The following CD244 variants were observed in gnomAD, a reference collection of about 807,000 sequenced individuals.
CD244 encodes natural killer cell receptor 2B4.
A neutral mutation model predicts 45.5 loss-of-function variants in CD244; 20 were observed. That is an observed-to-expected ratio of 0.44 (90% CI 0.31 to 0.64). The LOEUF (loss-of-function observed/expected upper bound fraction) is 0.64, where lower values mean the gene tolerates loss of function less well. Ranked by LOEUF, CD244 falls within the 30% of genes least tolerant of loss-of-function variation. The pLI, the probability that CD244 is intolerant of heterozygous loss-of-function variation, is 0.08. For missense variants in CD244, 407 were observed against 426.9 expected, an observed-to-expected ratio of 0.95 and a Z score of 0.41; for synonymous variants, 185 against 160.5, an observed-to-expected ratio of 1.15 and a Z score of -1.15.
rs760113788 is a variant in CD244, at chr1:160,834,048, C to G, written c.960+3G>C. The G allele has an allele frequency of 6.2e-7, 1 of 1,607,886 alleles. No individual in the cohort carries two copies. The highest frequency in any genetic ancestry group is 1.3e-5 in the African/African-American group (1 of 74,796). On this transcript the variant is annotated splice_donor_region_variant and intron_variant, in intron 7 of 8. Transcript: ENST00000368034. Reference sequence around the variant, plus strand: ...CCCACCACCACCACGGGAAGAGGCTCACCTTCCTGGAAGGCTGAATTAATG... The same window carrying G: ...CCCACCACCACCACGGGAAGAGGCTGACCTTCCTGGAAGGCTGAATTAATG...
At chr1:160,859,686 C>T (rs969052694) in intron 1 of CD244, among the ~76,000 whole-genome samples, 1 of 151,122 alleles carries the variant, frequency 6.6e-6, no homozygotes, top group Admixed American at 6.6e-5. Flanking sequence ...GCAGGTGGAT[C>T]GCCTGAGCCC....
chr1:160,836,174 C>G (rs757312279), intron 6 of CD244, 21 bp downstream of exon 6: 8 of 1,598,894 alleles, frequency 5.0e-6, no homozygotes, highest in Non-Finnish European at 6.9e-6. Context: ...ATGGAATGGA[C>G]TAGAGAAACT....
intron 1 of CD244, among the ~76,000 whole-genome samples, chr1:160,855,305 C>A (rs1461568686): frequency 6.6e-6 from 1 of 152,138 alleles, no homozygotes; most frequent in Non-Finnish European, 1.5e-5. Context: ...GAGAGTCCAG[C>A]TGGGGTTGGA....
chr1:160,838,865 C>G, intron 4 of CD244, 74 bp downstream of exon 4: 1 of 964,842 alleles, frequency 1.0e-6, no homozygotes, highest in Non-Finnish European at 1.6e-6. Context: ...CAGACACATC[C>G]CACTGGACGC....
chr1:160,857,133 C>T (rs1670137744), intron 1 of CD244, among the ~76,000 whole-genome samples: 1 of 152,210 alleles, frequency 6.6e-6, no homozygotes, highest in African/African-American at 2.4e-5. Flanking sequence ...GGCCTCTTGC[C>T]AAGCTCCACA....
chr1:160,831,870 T>C (rs1669137674), intron 8 of CD244, among the ~76,000 whole-genome samples: 1 of 152,194 alleles, frequency 6.6e-6, no homozygotes, highest in Non-Finnish European at 1.5e-5. Context: ...GGGGATGCTC[T>C]CCATGCCTTA....
chr1:160,832,415 T>C (rs1669157746), intron 8 of CD244, 104 bp downstream of exon 8: 1 of 741,294 alleles, frequency 1.3e-6, no homozygotes. Context: ...TCCCTACAAC[T>C]CTGAGACTGT....
intron 1 of CD244, among the ~76,000 whole-genome samples, chr1:160,854,515 T>A (rs1670034887): frequency 6.6e-6 from 1 of 151,624 alleles, no homozygotes; most frequent in South Asian, 2.1e-4. Flanking sequence ...CATGAGTAAC[T>A]GGGACTACAG....
chr1:160,861,098 C>G (rs1670285606), intron 1 of CD244, among the ~76,000 whole-genome samples: 1 of 152,234 alleles, frequency 6.6e-6, no homozygotes, highest in Admixed American at 6.5e-5. Flanking sequence ...TCCCCACAGC[C>G]AGGCACCAAT....
intron 1 of CD244, among the ~76,000 whole-genome samples, chr1:160,846,355 C>T (rs927658559): frequency 1.3e-5 from 2 of 152,184 alleles, no homozygotes; most frequent in South Asian, 2.1e-4. Flanking sequence ...AAATAACTGC[C>T]TATCTAGAAT....
intron 8 of CD244, among the ~76,000 whole-genome samples, 197 bp downstream of exon 8, chr1:160,832,322 G>C (rs1557828855): frequency 6.6e-6 from 1 of 152,134 alleles, no homozygotes. Context: ...CACGCAATAT[G>C]ATCTTGGGTC....
chr1:160,838,348 G>A (rs1052473674), intron 5 of CD244, 103 bp downstream of exon 5: 3 of 864,606 alleles, frequency 3.5e-6, no homozygotes, highest in African/African-American at 3.3e-5. Context: ...ACATCAAAAG[G>A]ACAGTCGTTC....
At chr1:160,838,231 C>G (rs550082483) in intron 5 of CD244, among the ~76,000 whole-genome samples, 1 of 152,332 alleles carries the variant, frequency 6.6e-6, no homozygotes, top group East Asian at 1.9e-4. Context: ...CAAGATGCCC[C>G]TTCAGCCTCC....
At chr1:160,849,426 A>C (rs1248773244) in intron 1 of CD244, among the ~76,000 whole-genome samples, 1 of 151,680 alleles carries the variant, frequency 6.6e-6, no homozygotes, top group African/African-American at 2.4e-5. Context: ...TGCATTAGGT[A>C]TTTGTCCTAA....
In CD244 at chr1:160,841,584, C is replaced by G. The variant is rs115868021; in HGVS notation, c.379G>C (p.Asp127His). Reference sequence around the variant, plus strand: ...AGTATGAACAGTCCTGGAGACTTACCAAATACAAAAACCTGGAACGTGGCT... The same window carrying G: ...AGTATGAACAGTCCTGGAGACTTACGAAATACAAAAACCTGGAACGTGGCT... ...QTATFQVFVFDKVEKPRLQGQ... is the reference protein window; with the variant it reads ...QTATFQVFVFHKVEKPRLQGQ... The change falls in exon 2 of 9, where the codon GAT becomes CAT. Residue 127 changes from aspartate to histidine, a missense_variant and splice_region_variant. Coordinates refer to ENST00000368034, the MANE Select transcript of CD244 (RefSeq NM_016382.4). 6,770 of 1,613,680 alleles carry G rather than the reference C, an allele frequency of 4.2e-3. 24 individuals are homozygous for G. Among genetic ancestry groups the G allele is most frequent in the Non-Finnish European group, 5.3e-3 (6,260 of 1,179,860 alleles).
intron 1 of CD244, among the ~76,000 whole-genome samples, chr1:160,861,229 C>G (rs910134095): frequency 6.6e-6 from 1 of 152,186 alleles, no homozygotes; most frequent in African/African-American, 2.4e-5. Flanking sequence ...ACAAGAGCTG[C>G]AGGCTCCACT....
At chr1:160,834,802 T>C (rs1669270146) in intron 6 of CD244, among the ~76,000 whole-genome samples, 1 of 152,246 alleles carries the variant, frequency 6.6e-6, no homozygotes, top group East Asian at 1.9e-4. Flanking sequence ...CCAGGGCTCT[T>C]TCCTCAACAC....
chr1:160,851,441 A>C (rs1378876478), intron 1 of CD244, among the ~76,000 whole-genome samples: 1 of 152,126 alleles, frequency 6.6e-6, no homozygotes, highest in Admixed American at 6.5e-5. Context: ...ACACAAACCA[A>C]CACATACTTG....
At chr1:160,857,008 C>T (rs754174878) in intron 1 of CD244, among the ~76,000 whole-genome samples, 3 of 152,124 alleles carry the variant, frequency 2.0e-5, no homozygotes, top group East Asian at 1.9e-4. Flanking sequence ...TTCATGAATC[C>T]GTTTAAATTA....
Sources: gnomAD v4.1 joint callset for allele counts (sites outside exome capture counted in the v4.1 genomes callset) on GRCh38, gnomAD v4.1.1 for gene constraint, MANE v1.5 for transcripts, NCBI Gene and HGNC (gene_info 2026-07-23, HGNC 2026-07-21) for gene names.